The following MAST4 variants were observed in gnomAD, a reference collection of about 807,000 sequenced individuals.
MAST4 encodes the protein microtubule-associated serine/threonine-protein kinase 4.
Under a neutral mutation model 162.7 loss-of-function variants are expected in MAST4, and 89 were observed. That is an observed-to-expected ratio of 0.55 (90% CI 0.46 to 0.65). The LOEUF (loss-of-function observed/expected upper bound fraction) is 0.65. Ranked by LOEUF, MAST4 falls within the 30% of genes least tolerant of loss-of-function variation. The pLI is 0.00. For synonymous variants in MAST4, 1,479 were observed against 1,361.1 expected (o/e 1.09, Z -1.91); for missense variants, 3,153 against 3,374.0 (o/e 0.93, Z 1.62).
intron 1 of MAST4, among the ~76,000 whole-genome samples, chr5:66,630,596 T>TTA (rs1262779984): frequency 6.6e-6 from 1 of 152,136 alleles, no homozygotes; most frequent in Non-Finnish European, 1.5e-5. Flanking sequence ...TATTCACATA[T>TTA]TATATATATT....
intron 3 of MAST4, among the ~76,000 whole-genome samples, chr5:66,878,006 G>A (rs1761420214): frequency 6.6e-6 from 1 of 152,180 alleles, no homozygotes; most frequent in Admixed American, 6.5e-5. Flanking sequence ...TGTTATGACT[G>A]GCCGGGAGGC....
At position 66,791,225 on chromosome 5, in the gene MAST4, C is replaced by T. The variant is rs567450278; in HGVS notation, c.642+2431C>T. Among the ~76,000 whole-genome samples the T allele has an allele frequency of 3.9e-5, 6 of 152,288 alleles. No homozygotes were observed. The East Asian group carries it at 5.8e-4, about 15-fold the overall frequency. Reference sequence around the variant, plus strand: ...TTTTGGTAGAGACGGCGTTTTGCCACGTTGGCCGGGCTCGTCACGGACTCC... The same window carrying T: ...TTTTGGTAGAGACGGCGTTTTGCCATGTTGGCCGGGCTCGTCACGGACTCC... On this transcript the variant is annotated intron_variant, in intron 3 of 28. Transcript: ENST00000403625.
intron 1 of MAST4, among the ~76,000 whole-genome samples, chr5:66,740,409 A>C (rs1049158186): frequency 6.6e-6 from 1 of 152,190 alleles, no homozygotes; most frequent in Non-Finnish European, 1.5e-5. Flanking sequence ...CTCCTTGTGG[A>C]ATGCACAGGT....
In MAST4 at chr5:67,077,606, G is replaced by A. The variant is rs112604155; in HGVS notation, c.764-12556G>A. Among the ~76,000 whole-genome samples the A allele has an allele frequency of 9.4e-3, 1,433 of 152,090 alleles. 26 individuals are homozygous for A. Among genetic ancestry groups the A allele is most frequent in the African/African-American group, 0.032 (1,332 of 41,464 alleles). Reference sequence around the variant, plus strand: ...CTGCCTTAATTTCCTACAACTCCCCGTCCATAACATCAGATTACTTCACTT... The same window carrying A: ...CTGCCTTAATTTCCTACAACTCCCCATCCATAACATCAGATTACTTCACTT... On this transcript the variant is annotated intron_variant, in intron 5 of 28. Transcript: ENST00000403625.
rs545248414 is a variant in MAST4, at chr5:67,132,000, C to A, written c.2093+49C>A. 1.7e-5 allele frequency: 27 copies of A among 1,564,122 alleles called. No individual in the cohort carries two copies. The South Asian group carries it at 2.6e-4, about 15-fold the overall frequency. ...GTCTTCTTTTGCCCAATACAAAGTTCTCGTATGTTTATAAAGATGTTTTCT... is the reference window on the plus strand; with the variant it reads ...GTCTTCTTTTGCCCAATACAAAGTTATCGTATGTTTATAAAGATGTTTTCT... On this transcript the variant is annotated intron_variant, in intron 16 of 28. Coordinates refer to ENST00000403625, the MANE Select transcript of MAST4 (RefSeq NM_001164664.2).
At chr5:66,713,968 A>G (rs1201773827) in intron 1 of MAST4, among the ~76,000 whole-genome samples, 1 of 152,210 alleles carries the variant, frequency 6.6e-6, no homozygotes, top group African/African-American at 2.4e-5. Flanking sequence ...ATCTCAACTC[A>G]TTTAATCCTG....
intron 1 of MAST4, among the ~76,000 whole-genome samples, chr5:66,669,366 G>A (rs138977929): frequency 6.6e-6 from 1 of 152,236 alleles, no homozygotes; most frequent in Non-Finnish European, 1.5e-5. Flanking sequence ...GAGATCAGTG[G>A]GTGTAGTGAA....
chr5:67,004,821 C>T (rs1751771722), intron 4 of MAST4: 4 of 590,650 alleles, frequency 6.8e-6, no homozygotes, highest in Non-Finnish European at 1.2e-5. Context: ...ACTTCTCAGA[C>T]ATGCTCCAAG....
At chr5:66,642,563 T>C (rs1036153162) in intron 1 of MAST4, among the ~76,000 whole-genome samples, 3 of 152,190 alleles carry the variant, frequency 2.0e-5, no homozygotes, top group Admixed American at 1.3e-4. Flanking sequence ...CTTGATATGA[T>C]GTCTGGGGAA....
At chr5:66,939,256 A>C (rs1743107344) in intron 4 of MAST4, among the ~76,000 whole-genome samples, 1 of 152,186 alleles carries the variant, frequency 6.6e-6, no homozygotes, top group Non-Finnish European at 1.5e-5. Flanking sequence ...ATGGGTTTAA[A>C]GTTAATTAAA....
At chr5:67,059,352 A>G (rs1489826258) in intron 5 of MAST4, among the ~76,000 whole-genome samples, 1 of 152,188 alleles carries the variant, frequency 6.6e-6, no homozygotes, top group Non-Finnish European at 1.5e-5. Flanking sequence ...TTGAAGGTCA[A>G]CTGACTTGGG....
chr5:67,089,409 C>T (rs963956951), intron 5 of MAST4, among the ~76,000 whole-genome samples: 1 of 152,182 alleles, frequency 6.6e-6, no homozygotes, highest in African/African-American at 2.4e-5. Flanking sequence ...AATCACTGCC[C>T]CACACCACCC....
chr5:66,652,028 T>C (rs1242558939), intron 1 of MAST4, among the ~76,000 whole-genome samples: 1 of 152,166 alleles, frequency 6.6e-6, no homozygotes, highest in Non-Finnish European at 1.5e-5. Flanking sequence ...AGCCCACATT[T>C]AAGGGGAGGG....
chr5:66,737,124 A>T (rs796933681), intron 1 of MAST4, among the ~76,000 whole-genome samples: 2 of 152,194 alleles, frequency 1.3e-5, no homozygotes, highest in Non-Finnish European at 2.9e-5. Context: ...TGAGTTAGGA[A>T]TTCAGGAGTA....
intron 1 of MAST4, among the ~76,000 whole-genome samples, chr5:66,677,322 A>G (rs1748012647): frequency 6.6e-6 from 1 of 152,060 alleles, no homozygotes; most frequent in East Asian, 1.9e-4. Context: ...ACTGCATTGT[A>G]AAAGTCTGTG....
intron 4 of MAST4, among the ~76,000 whole-genome samples, chr5:67,044,611 A>T (rs1292627673): frequency 3.9e-5 from 6 of 152,102 alleles, no homozygotes; most frequent in Middle Eastern, 3.2e-3. Flanking sequence ...AACTCTTAGG[A>T]TCAAGTTATC....
intron 22 of MAST4, among the ~76,000 whole-genome samples, 156 bp from the exon 23 acceptor site, chr5:67,144,988 G>A (rs1031848540): frequency 6.6e-6 from 1 of 152,206 alleles, no homozygotes; most frequent in Non-Finnish European, 1.5e-5. Flanking sequence ...TTATGCAGAT[G>A]TTGCTGCTGT....
intron 1 of MAST4, among the ~76,000 whole-genome samples, chr5:66,628,157 C>T (rs760567197): frequency 3.9e-5 from 6 of 152,064 alleles, no homozygotes; most frequent in South Asian, 4.2e-4. Context: ...TCTAGCCTCC[C>T]GAGCAGCTAG....
At chr5:66,665,196 A>G (rs1325907771) in intron 1 of MAST4, among the ~76,000 whole-genome samples, 1 of 152,058 alleles carries the variant, frequency 6.6e-6, no homozygotes, top group Non-Finnish European at 1.5e-5. Context: ...CTATTGGGAC[A>G]TGGGGACAAG....
Sources: gnomAD v4.1 joint callset for allele counts (sites outside exome capture counted in the v4.1 genomes callset) on GRCh38, gnomAD v4.1.1 for gene constraint, MANE v1.5 for transcripts, NCBI Gene and HGNC (gene_info 2026-07-23, HGNC 2026-07-21) for gene names.